Variants in GRIP1 observed in about 807,000 individuals in gnomAD.
The protein encoded by GRIP1 is glutamate receptor interacting protein 1, also known as glutamate receptor-interacting protein 1.
A neutral mutation model predicts 129.9 loss-of-function variants in GRIP1; 45 were observed. The observed-to-expected ratio is 0.35, with a 90% confidence interval of 0.27 to 0.44. The LOEUF (loss-of-function observed/expected upper bound fraction) is 0.44. Ranked by LOEUF, GRIP1 falls within the 20% of genes least tolerant of loss-of-function variation. The pLI is 1.00. For missense variants in GRIP1, 1,196 were observed against 1,396.8 expected (o/e 0.86, Z 2.29); for synonymous variants, 530 against 520.8 (o/e 1.02, Z -0.24).
chr12:67,022,672 T>A (rs1003972529), intron 1 of GRIP1, among the ~76,000 whole-genome samples: 2 of 152,234 alleles, frequency 1.3e-5, no homozygotes. Flanking sequence ...TTAACCTGCA[T>A]TTCCCTAATG....
intron 20 of GRIP1, among the ~76,000 whole-genome samples, chr12:66,377,768 G>A (rs1032706978): frequency 3.3e-5 from 5 of 151,444 alleles, no homozygotes; most frequent in East Asian, 1.9e-4. Flanking sequence ...GCAGAGGGAC[G>A]CTTTAGGAAA....
At chr12:66,447,306 C>T (rs1237591285) in intron 11 of GRIP1, among the ~76,000 whole-genome samples, 4 of 152,160 alleles carry the variant, frequency 2.6e-5, no homozygotes, top group African/African-American at 4.8e-5. Flanking sequence ...TGGTAATGCC[C>T]GGTCAACTCC....
chr12:66,834,504 G>A (rs139211371), intron 1 of GRIP1, among the ~76,000 whole-genome samples: 13 of 152,228 alleles, frequency 8.5e-5, no homozygotes, highest in African/African-American at 1.9e-4. Context: ...ATTAAGGGTC[G>A]CCCTTAGGAT....
upstream of GRIP1, among the ~76,000 whole-genome samples, chr12:66,806,861 G>A (rs1592864387): frequency 6.6e-6 from 1 of 151,312 alleles, no homozygotes; most frequent in East Asian, 1.9e-4. Context: ...TGTAATGATA[G>A]AATTTTTATA....
At chr12:66,792,497 G>A (rs537367037) in intron 1 of GRIP1, among the ~76,000 whole-genome samples, 42 of 152,168 alleles carry the variant, frequency 2.8e-4, no homozygotes, top group African/African-American at 9.9e-4. Context: ...TTGAGTTCAG[G>A]AGTTCAAGAA....
chr12:66,726,760 C>T (rs1205767788), intron 1 of GRIP1, among the ~76,000 whole-genome samples: 1 of 152,140 alleles, frequency 6.6e-6, no homozygotes, highest in Non-Finnish European at 1.5e-5. Flanking sequence ...CTCAAAGCAT[C>T]GCTGAGCTGG....
chr12:66,777,303 T>G (rs1362689954), intron 1 of GRIP1, among the ~76,000 whole-genome samples: 2 of 152,048 alleles, frequency 1.3e-5, no homozygotes, highest in Admixed American at 1.3e-4. Context: ...CCCTCCCAAC[T>G]TGGTCTTGGT....
intron 3 of GRIP1, among the ~76,000 whole-genome samples, chr12:66,540,280 A>G (rs1262337994): frequency 1.3e-5 from 2 of 152,200 alleles, no homozygotes; most frequent in Non-Finnish European, 2.9e-5. Context: ...CTGATTTACT[A>G]CCTTCAAAAT....
intron 1 of GRIP1, among the ~76,000 whole-genome samples, chr12:66,797,745 C>G (rs2038742083): frequency 6.6e-6 from 1 of 152,132 alleles, no homozygotes; most frequent in African/African-American, 2.4e-5. Context: ...ACCTTAAGGA[C>G]TGGAATTAGT....
At chr12:66,945,947 A>AT (rs1021713319) in intron 1 of GRIP1, among the ~76,000 whole-genome samples, 1 of 151,930 alleles carries the variant, frequency 6.6e-6, no homozygotes, top group African/African-American at 2.4e-5. Flanking sequence ...CTGAGCAGCT[A>AT]TTTTTTTCAT....
At chr12:66,558,076 T>C (rs2062395731) in intron 2 of GRIP1, among the ~76,000 whole-genome samples, 1 of 152,052 alleles carries the variant, frequency 6.6e-6, no homozygotes, top group Admixed American at 6.6e-5. Flanking sequence ...AGCCAGACTA[T>C]GAAAACAGAG....
chr12:66,789,782 G>A (rs1228114861), intron 1 of GRIP1, among the ~76,000 whole-genome samples: 1 of 151,952 alleles, frequency 6.6e-6, no homozygotes, highest in Non-Finnish European at 1.5e-5. Flanking sequence ...TATTCTCTGT[G>A]ACAAGATAGT....
intron 1 of GRIP1, among the ~76,000 whole-genome samples, chr12:66,697,288 T>C (rs1024808728): frequency 6.6e-6 from 1 of 152,116 alleles, no homozygotes; most frequent in African/African-American, 2.4e-5. Context: ...AATATAAAAA[T>C]GACAATGACC....
chr12:66,530,010 G>T, intron 4 of GRIP1, 96 bp from the exon 5 acceptor site: 1 of 802,128 alleles, frequency 1.2e-6, no homozygotes, highest in Non-Finnish European at 2.2e-6. Flanking sequence ...GATCCCTGTT[G>T]CAAATAAGTT....
At chr12:66,973,919 C>CT (rs535699240) in intron 1 of GRIP1, among the ~76,000 whole-genome samples, 5,682 of 121,226 alleles carry the variant, frequency 0.047, 272 homozygotes, top group East Asian at 0.12. Flanking sequence ...CTTTTCTTTT[C>CT]TTTTTTTTTT....
In GRIP1 at chr12:66,740,504, G is replaced by T. The variant is rs145665279; in HGVS notation, c.-420+63549C>A. On this transcript the variant is annotated intron_variant, in intron 1 of 4. Coordinates refer to the GRIP1 transcript ENST00000538373. ...CTGGCTCCTGGCCCATGGCATAGAT[G>T]GTTTGAAACCTGAGTTCTAACGCCA... Among the ~76,000 whole-genome samples the T allele has an allele frequency of 2.2e-3, 329 of 152,238 alleles. 1 individual carries two copies. Among genetic ancestry groups the T allele is most frequent in the African/African-American group, 7.7e-3 (322 of 41,556 alleles).
chr12:66,519,207 G>A (rs573874381), intron 5 of GRIP1, among the ~76,000 whole-genome samples: 2 of 152,324 alleles, frequency 1.3e-5, no homozygotes, highest in African/African-American at 4.8e-5. Context: ...TCACTTCTAC[G>A]ACAAGTGATT....
intron 1 of GRIP1, among the ~76,000 whole-genome samples, chr12:66,765,058 C>T (rs2037590129): frequency 6.6e-6 from 1 of 152,156 alleles, no homozygotes. Context: ...AGTTTATTTA[C>T]TTGCAGCTTC....
chr12:67,019,960 T>C (rs907070996), intron 1 of GRIP1, among the ~76,000 whole-genome samples: 30 of 152,194 alleles, frequency 2.0e-4, no homozygotes, highest in African/African-American at 6.5e-4. Flanking sequence ...TTAACAACCA[T>C]ACTCTTGAAC....
Sources: allele counts gnomAD v4.1 joint callset (sites outside exome capture counted in the v4.1 genomes callset), GRCh38; gene constraint gnomAD v4.1.1; transcripts MANE v1.5; gene names NCBI Gene and HGNC (gene_info 2026-07-23, HGNC 2026-07-21).